Variants in ZNF609 observed in about 807,000 individuals in gnomAD.
The protein encoded by ZNF609 is zinc finger protein 609.
Under a neutral mutation model 109.5 loss-of-function variants are expected in ZNF609, and 11 were observed. That is an observed-to-expected ratio of 0.10 (90% CI 0.06 to 0.17). ZNF609 has a LOEUF of 0.17. ZNF609 is among the 10% of genes least tolerant of loss of function. ZNF609 has a pLI of 1.00. For missense variants in ZNF609, 1,559 were observed against 1,772.4 expected (o/e 0.88, Z 2.16); for synonymous variants, 646 against 662.0 (o/e 0.98, Z 0.37).
At chr15:64,644,287 A>G (rs59853505) in intron 3 of ZNF609, among the ~76,000 whole-genome samples, 4,374 of 152,198 alleles carry the variant, frequency 0.029, 81 homozygotes, top group African/African-American at 0.053. Flanking sequence ...ATTCAAGACC[A>G]GCCTGGTCAA....
chr15:64,612,976 C>T (rs1895741487), intron 2 of ZNF609, among the ~76,000 whole-genome samples: 1 of 151,898 alleles, frequency 6.6e-6, no homozygotes, highest in South Asian at 2.1e-4. Flanking sequence ...GATCACGCCA[C>T]TGCACTCCAG....
chr15:64,507,247 A>G (rs1893650804), intron 2 of ZNF609, among the ~76,000 whole-genome samples: 1 of 152,234 alleles, frequency 6.6e-6, no homozygotes, highest in African/African-American at 2.4e-5. Flanking sequence ...ACTGCATGGA[A>G]AAAATCTAAG....
chr15:64,672,202 C>T (rs1381490969), intron 4 of ZNF609, among the ~76,000 whole-genome samples: 7 of 149,512 alleles, frequency 4.7e-5, no homozygotes, highest in Non-Finnish European at 6.0e-5. Flanking sequence ...TTAGTAGAGA[C>T]GGGGTTTCAC....
At chr15:64,577,486 CATAT>C (rs1161268740) in intron 2 of ZNF609, among the ~76,000 whole-genome samples, 1 of 47,560 alleles carries the variant, frequency 2.1e-5, no homozygotes, top group African/African-American at 6.4e-5. Context: ...TATATATACA[CATAT>C]AAATATATAC....
chr15:64,513,242 A>C (rs1893759527), intron 2 of ZNF609, among the ~76,000 whole-genome samples: 1 of 152,204 alleles, frequency 6.6e-6, no homozygotes. Flanking sequence ...AAGTGACTAC[A>C]CATTTATATA....
chr15:64,571,966 T>G (rs1169699220), intron 2 of ZNF609, among the ~76,000 whole-genome samples: 1 of 152,178 alleles, frequency 6.6e-6, no homozygotes, highest in African/African-American at 2.4e-5. Flanking sequence ...CTTTGTTTGG[T>G]TAGGACTGCC....
intron 2 of ZNF609, among the ~76,000 whole-genome samples, chr15:64,537,543 ACT>A (rs1366871474): frequency 1.3e-5 from 2 of 151,590 alleles, no homozygotes; most frequent in Admixed American, 6.6e-5. Flanking sequence ...GCAGAGTGAG[ACT>A]CCATCAAAAA....
chr15:64,528,378 AAATT>A (rs1894002654), intron 2 of ZNF609, among the ~76,000 whole-genome samples: 1 of 150,300 alleles, frequency 6.7e-6, no homozygotes, highest in Non-Finnish European at 1.5e-5. Flanking sequence ...GGTTTTAAAA[AAATT>A]TATTATTATT....
At chr15:64,630,512 A>T (rs1264010990) in intron 3 of ZNF609, among the ~76,000 whole-genome samples, 1 of 152,102 alleles carries the variant, frequency 6.6e-6, no homozygotes, top group Non-Finnish European at 1.5e-5. Flanking sequence ...TAAAATTAGT[A>T]CCTCAAGTGG....
At chr15:64,642,131 T>C (rs912443941) in intron 3 of ZNF609, among the ~76,000 whole-genome samples, 1 of 152,212 alleles carries the variant, frequency 6.6e-6, no homozygotes, top group African/African-American at 2.4e-5. Flanking sequence ...TTCTCTCTAA[T>C]AATTTGCATT....
At chr15:64,477,008 G>A (rs1258179467) in intron 1 of ZNF609, among the ~76,000 whole-genome samples, 1 of 152,012 alleles carries the variant, frequency 6.6e-6, no homozygotes, top group Non-Finnish European at 1.5e-5. Flanking sequence ...CACATTAGCT[G>A]TGTTTTGGAA....
intron 3 of ZNF609, among the ~76,000 whole-genome samples, chr15:64,638,217 C>A (rs1044724410): frequency 9.9e-5 from 15 of 151,514 alleles, no homozygotes; most frequent in African/African-American, 3.4e-4. Context: ...ACCAGTTAAC[C>A]TGTGTGGGTT....
chr15:64,535,744 GT>G (rs2140375432), intron 2 of ZNF609, among the ~76,000 whole-genome samples: 1 of 152,264 alleles, frequency 6.6e-6, no homozygotes, highest in South Asian at 2.1e-4. Context: ...ACCAGCAAAT[GT>G]GTGAGAAATC....
At chr15:64,462,487 G>A (rs1892958103) in intron 1 of ZNF609, among the ~76,000 whole-genome samples, 1 of 152,218 alleles carries the variant, frequency 6.6e-6, no homozygotes, top group Non-Finnish European at 1.5e-5. Context: ...GGGGAGTCAA[G>A]CCCAGGTGTG....
At chr15:64,560,799 A>G (rs1894665764) in intron 2 of ZNF609, among the ~76,000 whole-genome samples, 1 of 152,182 alleles carries the variant, frequency 6.6e-6, no homozygotes, top group Non-Finnish European at 1.5e-5. Context: ...GTATATTTTA[A>G]TTTAAGTGCT....
At chr15:64,530,238 AC>A (rs1894039807) in intron 2 of ZNF609, among the ~76,000 whole-genome samples, 1 of 151,066 alleles carries the variant, frequency 6.6e-6, no homozygotes, top group Middle Eastern at 3.4e-3. Context: ...CTGGTCTCAA[AC>A]TCCTGACCTC....
chr15:64,658,354 C>T (rs1007084357), intron 3 of ZNF609, among the ~76,000 whole-genome samples: 1 of 152,050 alleles, frequency 6.6e-6, no homozygotes, highest in Non-Finnish European at 1.5e-5. Context: ...TGCACCACCA[C>T]GCCCAGCTAA....
At chr15:64,660,477 T>C (rs1896557841) in intron 3 of ZNF609, among the ~76,000 whole-genome samples, 1 of 152,190 alleles carries the variant, frequency 6.6e-6, no homozygotes, top group Non-Finnish European at 1.5e-5. Flanking sequence ...GCCTATTTGT[T>C]TACATATTGT....
At chr15:64,528,014 C>G (rs1893995376) in intron 2 of ZNF609, among the ~76,000 whole-genome samples, 2 of 152,134 alleles carry the variant, frequency 1.3e-5, no homozygotes, top group African/African-American at 4.8e-5. Flanking sequence ...AAGTTAAACA[C>G]CTATTAATTT....
Sources: gnomAD v4.1 joint callset for allele counts (sites outside exome capture counted in the v4.1 genomes callset) on GRCh38, gnomAD v4.1.1 for gene constraint, MANE v1.5 for transcripts, NCBI Gene and HGNC (gene_info 2026-07-23, HGNC 2026-07-21) for gene names.